SH3GL3: variants seen among roughly 807,000 people sequenced by gnomAD.
SH3GL3 encodes SH3 domain containing GRB2 like 3, endophilin A3, also known as endophilin-A3.
Under a neutral mutation model 47.7 loss-of-function variants are expected in SH3GL3, and 33 were observed. The ratio of observed to expected loss-of-function variants is 0.69; its 90% CI spans 0.52 to 0.92. The LOEUF is 0.92. SH3GL3 is among the 40% of genes least tolerant of loss of function. SH3GL3 has a pLI of 0.00. For synonymous variants in SH3GL3, 155 were observed against 148.8 expected (o/e 1.04, Z -0.30); for missense variants, 363 against 417.8 (o/e 0.87, Z 1.14).
chr15:83,571,050 A>G (rs1401860169), intron 4 of SH3GL3, among the ~76,000 whole-genome samples: 1 of 152,162 alleles, frequency 6.6e-6, no homozygotes, highest in Non-Finnish European at 1.5e-5. Flanking sequence ...GAACAGATGG[A>G]TTTCTGCTCT....
intron 8 of SH3GL3, among the ~76,000 whole-genome samples, chr15:83,604,544 G>C (rs2060467560): frequency 6.6e-6 from 1 of 152,172 alleles, no homozygotes; most frequent in African/African-American, 2.4e-5. Context: ...ATTATTTGGT[G>C]CTTTGTAGAC....
intron 8 of SH3GL3, among the ~76,000 whole-genome samples, chr15:83,599,116 G>A (rs1314217117): frequency 6.6e-6 from 1 of 151,764 alleles, no homozygotes; most frequent in African/African-American, 2.4e-5. Flanking sequence ...TTATTTTTTT[G>A]CGCTTTATAT....
At chr15:83,462,309 C>T (rs1602539) in intron 1 of SH3GL3, among the ~76,000 whole-genome samples, 27,707 of 152,188 alleles carry the variant, frequency 0.18, 2,908 homozygotes, top group South Asian at 0.45. Context: ...TGTAATGCCT[C>T]CCTTCTTCAC....
intron 8 of SH3GL3, among the ~76,000 whole-genome samples, chr15:83,597,530 G>A (rs1249370374): frequency 4.0e-5 from 6 of 151,814 alleles, no homozygotes; most frequent in African/African-American, 1.5e-4. Context: ...CAAGTAACTA[G>A]ACCTTTCATA....
intron 1 of SH3GL3, among the ~76,000 whole-genome samples, chr15:83,538,065 T>C (rs1163549923): frequency 1.3e-5 from 2 of 152,212 alleles, no homozygotes; most frequent in Non-Finnish European, 2.9e-5. Context: ...TGATTAAATT[T>C]TGAAGTAGCA....
At chr15:83,514,050 C>T (rs2042882570) in intron 1 of SH3GL3, among the ~76,000 whole-genome samples, 1 of 152,110 alleles carries the variant, frequency 6.6e-6, no homozygotes. Flanking sequence ...CTGAGCTTCC[C>T]TGTAGTGGAT....
At chr15:83,469,468 C>A (rs1736222828) in intron 1 of SH3GL3, among the ~76,000 whole-genome samples, 1 of 152,066 alleles carries the variant, frequency 6.6e-6, no homozygotes, top group East Asian at 1.9e-4. Context: ...GTGCTATATT[C>A]TTTCCTTTTA....
chr15:83,487,194 G>A (rs535257563), intron 1 of SH3GL3, among the ~76,000 whole-genome samples: 19 of 130,628 alleles, frequency 1.5e-4, no homozygotes, highest in Non-Finnish European at 2.4e-4. Flanking sequence ...ATTTTTAACC[G>A]GTTTACCTGT....
intron 1 of SH3GL3, among the ~76,000 whole-genome samples, chr15:83,468,240 T>C (rs1232939749): frequency 1.3e-5 from 2 of 152,260 alleles, no homozygotes. Context: ...ACTTATTTAT[T>C]AGTTCTAGGA....
the SH3GL3 span, among the ~76,000 whole-genome samples, chr15:83,628,629 G>A: frequency 6.6e-6 from 1 of 152,014 alleles, no homozygotes; most frequent in Non-Finnish European, 1.5e-5. Flanking sequence ...TGTAATCCCA[G>A]CTACTCAGGA....
Position 83,448,893 on chromosome 15 carries a change from C to T in SH3GL3, c.45+1315C>T, listed in dbSNP as rs189966336. Among the ~76,000 whole-genome samples the T allele has an allele frequency of 7.9e-4, 120 of 152,200 alleles. 1 individual carries two copies. Among genetic ancestry groups the T allele is most frequent in the African/African-American group, 2.8e-3 (115 of 41,536 alleles). On this transcript the variant is annotated intron_variant, in intron 1 of 8. Coordinates refer to ENST00000427482, the MANE Select transcript of SH3GL3 (RefSeq NM_003027.5). This position sits in a 1 kb window ranked among gnomAD's most constrained non-coding sequence, Gnocchi z 4.2. ...AAGGAGCCCTGGAGGAGAGGCTATT[C>T]AGGTGAGGGTGGAGATGATGGATTC...
chr15:83,579,317 TG>T (rs1211108392), intron 6 of SH3GL3, among the ~76,000 whole-genome samples: 2 of 152,150 alleles, frequency 1.3e-5, no homozygotes, highest in Non-Finnish European at 2.9e-5. Context: ...GACCTGCAGG[TG>T]AGTGGAGGTT....
chr15:83,517,195 CTTTTCTTTTCT>C (rs1241555183), intron 1 of SH3GL3, among the ~76,000 whole-genome samples: 3,362 of 128,014 alleles, frequency 0.026, 25 homozygotes, highest in Non-Finnish European at 0.038. Flanking sequence ...TTTTCTTTTT[CTTTTCTTTTCT>C]TTTTTTTTTT....
chr15:83,504,972 A>G (rs1232732834), intron 1 of SH3GL3, among the ~76,000 whole-genome samples: 8 of 152,196 alleles, frequency 5.3e-5, no homozygotes, highest in Non-Finnish European at 1.2e-4. Context: ...TTAGGTTTGC[A>G]TATTTTTACC....
intron 1 of SH3GL3, among the ~76,000 whole-genome samples, chr15:83,494,807 G>A (rs1172959748): frequency 6.6e-6 from 1 of 152,126 alleles, no homozygotes. Context: ...CCTCCCCAGT[G>A]TGCTGGGATT....
intron 7 of SH3GL3, among the ~76,000 whole-genome samples, chr15:83,588,056 C>T (rs886525712): frequency 1.3e-5 from 2 of 152,166 alleles, no homozygotes; most frequent in African/African-American, 2.4e-5. Flanking sequence ...GGGTGCCGAC[C>T]GCGTCCCAGG....
chr15:83,620,500 C>CAT (rs1345108426), downstream of SH3GL3, among the ~76,000 whole-genome samples: 1 of 152,222 alleles, frequency 6.6e-6, no homozygotes, highest in Non-Finnish European at 1.5e-5. Context: ...CATCTCCTTG[C>CAT]ATATCTCTAT....
chr15:83,468,040 C>T (rs1000703554), intron 1 of SH3GL3, among the ~76,000 whole-genome samples: 7 of 152,150 alleles, frequency 4.6e-5, no homozygotes, highest in African/African-American at 2.4e-5. Context: ...CCATGTTAGC[C>T]AGGATGGTCT....
At chr15:83,600,395 T>C (rs1028438575) in intron 8 of SH3GL3, among the ~76,000 whole-genome samples, 4 of 152,204 alleles carry the variant, frequency 2.6e-5, no homozygotes, top group Non-Finnish European at 4.4e-5. Flanking sequence ...TCCAGTTTCA[T>C]TCTCCTACAC....
Sources: gnomAD v4.1 joint callset for allele counts (sites outside exome capture counted in the v4.1 genomes callset) on GRCh38, gnomAD v4.1.1 for gene constraint, Gnocchi (gnomAD v3.1) non-coding constraint, MANE v1.5 for transcripts, NCBI Gene and HGNC (gene_info 2026-07-23, HGNC 2026-07-21) for gene names.